Variants in EDRF1 observed in about 807,000 individuals in gnomAD.
EDRF1 encodes erythroid differentiation-related factor 1.
A neutral mutation model predicts 148.7 loss-of-function variants in EDRF1; 69 were observed. The observed-to-expected ratio is 0.46, with a 90% CI of 0.38 to 0.57. The LOEUF is 0.57. Among genes scored for constraint, EDRF1 ranks in the 20% least tolerant of loss-of-function variants. EDRF1 has a pLI of 0.00. For synonymous variants in EDRF1, 515 were observed against 532.8 expected (o/e 0.97, Z 0.46); for missense variants, 1,118 against 1,478.7 (o/e 0.76, Z 4.00).
rs1445435086 is a variant in EDRF1 at position 125,752,817 on chromosome 10, G to C, written c.3296G>C (p.Gly1099Ala). The part of the protein sequence containing the change: ...FQMTSQNSNV[G>A]KLKTLSGALD... Reference sequence around the variant, plus strand: ...ACTTTAGGTCAGAATAGCAATGTTGGAAAGTTGAAAACACTATCTGGGGCT... The same window carrying C: ...ACTTTAGGTCAGAATAGCAATGTTGCAAAGTTGAAAACACTATCTGGGGCT... The change falls in exon 23 of 25, where the codon GGA becomes GCA. Residue 1099 changes from glycine (G) to alanine (A), a missense_variant. By Grantham distance (60) the Gly-to-Ala change is moderately conservative. Transcript: ENST00000356792. 6.2e-6 allele frequency: 10 copies of C among 1,613,416 alleles called. No homozygotes were observed. Among genetic ancestry groups the C allele is most frequent in the Non-Finnish European group, 8.5e-6 (10 of 1,179,574 alleles).
chr10:125,755,583 A>G (rs1178019029), intron 24 of EDRF1, among the ~76,000 whole-genome samples: 1 of 152,226 alleles, frequency 6.6e-6, no homozygotes, highest in African/African-American at 2.4e-5. Flanking sequence ...TGTCTTCATT[A>G]AACATGTAGT....
chr10:125,753,962 TC>T, intron 24 of EDRF1, 117 bp downstream of exon 24: 1 of 1,138,972 alleles, frequency 8.8e-7, no homozygotes, highest in Non-Finnish European at 1.3e-6. Context: ...ACACCTGCAA[TC>T]CCAGCACTTT....
At position 125,729,024 on chromosome 10, in the gene EDRF1, T is replaced by A. The variant is rs1315287715; in HGVS notation, c.814T>A (p.Ser272Thr). 6.3e-7 allele frequency: 1 copy of A among 1,582,576 alleles called. No homozygotes were observed. The highest frequency in any genetic ancestry group is 8.5e-7 in the Non-Finnish European group (1 of 1,171,758). Reference protein sequence around the residue: ...SSQGSEPLEPSYIVGHVASAP... With the variant: ...SSQGSEPLEPTYIVGHVASAP... ...ACAGGGAAGTGAGCCTCTTGAACCCTCATACATAGTGGGGCATGTGGCCTC... is the reference window on the plus strand; with the variant it reads ...ACAGGGAAGTGAGCCTCTTGAACCCACATACATAGTGGGGCATGTGGCCTC... The change falls in exon 7 of 25, where the codon TCA becomes ACA. Residue 272 changes from serine (S) to threonine (T), a missense_variant. By Grantham distance (58) the Ser-to-Thr change is moderately conservative. Coordinates refer to ENST00000356792, the MANE Select transcript of EDRF1 (RefSeq NM_001202438.2).
At chr10:125,721,450 A>G in intron 2 of EDRF1, 38 bp downstream of exon 2, 1 of 1,574,796 alleles carries the variant, frequency 6.4e-7, no homozygotes, top group Non-Finnish European at 8.7e-7. Flanking sequence ...CTGCCCCTCC[A>G]CCCTCACTTA....
chr10:125,738,459 A>C lies in EDRF1; in HGVS notation c.1981+14A>C. ...TTTTGGACAAAAGTAAGTTGAATTG[A>C]TGTGCAAATAAGGCCTTCAATAGAA... On this transcript the variant is annotated intron_variant, in intron 15 of 24. Coordinates refer to ENST00000356792, the MANE Select transcript of EDRF1 (RefSeq NM_001202438.2). The C allele has an allele frequency of 1.2e-6, 2 of 1,614,020 alleles. No homozygotes were observed. The highest frequency in any genetic ancestry group is 1.7e-6 in the Non-Finnish European group (2 of 1,179,928).
intron 6 of EDRF1, among the ~76,000 whole-genome samples, chr10:125,728,191 C>CA (rs36039615): frequency 0.67 from 86,002 of 128,720 alleles, 28,934 homozygotes; most frequent in East Asian, 0.85. Flanking sequence ...AACTCTGTCT[C>CA]AAAAAAAAAA....
In EDRF1 at chr10:125,741,211, A is replaced by G. The variant is rs375906636; in HGVS notation, c.2371+10A>G. ...GAGTCCAGTTGCCAAGGTGTGCCAC[A>G]GGCTTGGACCACGTGGTTCACAGTG... On this transcript the variant is annotated intron_variant, in intron 17 of 24. Coordinates refer to ENST00000356792, the MANE Select transcript of EDRF1 (RefSeq NM_001202438.2). 50 of 1,613,652 alleles carry G rather than the reference A, an allele frequency of 3.1e-5. No individual in the cohort carries two copies. The African/African-American group carries it at 6.0e-4, about 19-fold the overall frequency.
intron 2 of EDRF1, among the ~76,000 whole-genome samples, chr10:125,721,852 G>A (rs118077820): frequency 0.017 from 2,555 of 152,314 alleles, 49 homozygotes; most frequent in Admixed American, 0.053. Flanking sequence ...CATGTTGGGT[G>A]ACCTACACCT....
intron 17 of EDRF1, among the ~76,000 whole-genome samples, chr10:125,741,951 C>T (rs1191585742): frequency 1.3e-5 from 2 of 152,200 alleles, no homozygotes; most frequent in Non-Finnish European, 2.9e-5. Context: ...ACCTTGGCCT[C>T]CCAAAGTGCT....
intron 1 of EDRF1, 69 bp from the exon 2 acceptor site, chr10:125,721,135 C>G: frequency 6.7e-7 from 1 of 1,498,916 alleles, no homozygotes; most frequent in Non-Finnish European, 9.3e-7. Flanking sequence ...TTCTTGTTTT[C>G]TTTTTATAAA....
chr10:125,743,400 A>C, intron 18 of EDRF1, 124 bp downstream of exon 18: 5 of 744,322 alleles, frequency 6.7e-6, no homozygotes, highest in Non-Finnish European at 1.2e-5. Context: ...TCTATTAGAG[A>C]ACCTCTTATT....
chr10:125,723,428 T>A (rs529766457), intron 3 of EDRF1, among the ~76,000 whole-genome samples: 1 of 152,348 alleles, frequency 6.6e-6, no homozygotes, highest in African/African-American at 2.4e-5. Context: ...TTTGGGATTA[T>A]TCTGTATATG....
intron 22 of EDRF1, among the ~76,000 whole-genome samples, chr10:125,751,422 T>TG (rs1849636251): frequency 2.0e-5 from 3 of 151,254 alleles, no homozygotes; most frequent in African/African-American, 7.4e-5. Flanking sequence ...TTTTGTTTTT[T>TG]TTTTCTAGTA....
At chr10:125,758,856 C>T (rs1038863455) in intron 24 of EDRF1, among the ~76,000 whole-genome samples, 11 of 152,088 alleles carry the variant, frequency 7.2e-5, no homozygotes, top group African/African-American at 2.7e-4. Context: ...CACTCGTGTC[C>T]CTGAGTCTCA....
At chr10:125,734,209 T>C (rs985975388) in intron 12 of EDRF1, 26 bp downstream of exon 12, 2 of 1,519,310 alleles carry the variant, frequency 1.3e-6, no homozygotes, top group Non-Finnish European at 1.8e-6. Flanking sequence ...ATGTATTCTC[T>C]AAAACAATCC....
intron 23 of EDRF1, among the ~76,000 whole-genome samples, chr10:125,753,195 G>A (rs1397735179): frequency 2.0e-5 from 3 of 152,108 alleles, no homozygotes; most frequent in African/African-American, 7.2e-5. Context: ...GCTGTTGGTG[G>A]GAATTTGTTT....
chr10:125,757,557 A>T (rs1038815786), intron 24 of EDRF1, among the ~76,000 whole-genome samples: 10 of 152,204 alleles, frequency 6.6e-5, no homozygotes, highest in Non-Finnish European at 1.3e-4. Flanking sequence ...CTTTTTGTGT[A>T]GGTTTCTGTC....
chr10:125,728,961 T>A, intron 6 of EDRF1, 42 bp from the exon 7 acceptor site: 1 of 1,456,866 alleles, frequency 6.9e-7, no homozygotes, highest in East Asian at 2.4e-5. Context: ...TTTTAAGAAA[T>A]GTTGACAGCA....
intron 9 of EDRF1, among the ~76,000 whole-genome samples, chr10:125,730,675 A>G (rs1178677071): frequency 6.6e-6 from 1 of 152,162 alleles, no homozygotes; most frequent in Non-Finnish European, 1.5e-5. Context: ...AGCTCTCATT[A>G]ATAATTAACT....
Sources: gnomAD v4.1 joint callset for allele counts (sites outside exome capture counted in the v4.1 genomes callset) on GRCh38, gnomAD v4.1.1 for gene constraint, MANE v1.5 for transcripts, NCBI Gene and HGNC (gene_info 2026-07-23, HGNC 2026-07-21) for gene names.